Variants in RHOA observed in about 807,000 individuals in gnomAD.
RHOA encodes transforming protein RhoA.
In RHOA, 3 loss-of-function variants were observed where a neutral mutation model predicts 17.5. The observed-to-expected ratio is 0.17, with a 90% confidence interval of 0.08 to 0.44. The LOEUF is 0.44. Ranked by LOEUF, RHOA falls within the 20% of genes least tolerant of loss-of-function variation. RHOA has a pLI of 0.99. For missense variants in RHOA, 56 were observed against 242.3 expected (o/e 0.23, Z 5.10); for synonymous variants, 98 against 88.4 (o/e 1.11, Z -0.61).
At chr3:49,408,702 T>C (rs1308285380) in intron 1 of RHOA, among the ~76,000 whole-genome samples, 12 of 152,206 alleles carry the variant, frequency 7.9e-5, no homozygotes, top group Admixed American at 1.3e-4. Flanking sequence ...AAAATTTAGT[T>C]ATATTAATGT....
chr3:49,367,554 T>C (rs1051688784), intron 3 of RHOA, among the ~76,000 whole-genome samples: 4 of 151,906 alleles, frequency 2.6e-5, no homozygotes, highest in Non-Finnish European at 5.9e-5. Flanking sequence ...ATCTTTTTTT[T>C]TGGGAGATGG....
chr3:49,382,507 G>GC (rs768198468), intron 1 of RHOA, among the ~76,000 whole-genome samples: 3 of 151,838 alleles, frequency 2.0e-5, no homozygotes, highest in Non-Finnish European at 4.4e-5. Flanking sequence ...GTGGTGGTGC[G>GC]CATCTGTGGT....
chr3:49,390,457 G>A (rs935470787), intron 1 of RHOA, among the ~76,000 whole-genome samples: 1 of 151,928 alleles, frequency 6.6e-6, no homozygotes, highest in Non-Finnish European at 1.5e-5. Flanking sequence ...GTAGAGACGG[G>A]TTCACCATGT....
intron 1 of RHOA, among the ~76,000 whole-genome samples, chr3:49,402,057 G>C (rs2048731693): frequency 6.6e-6 from 1 of 152,186 alleles, no homozygotes; most frequent in South Asian, 2.1e-4. Flanking sequence ...TTACTGCCAA[G>C]TGAAAATCAC....
chr3:49,396,551 A>G (rs973566350), intron 1 of RHOA, among the ~76,000 whole-genome samples: 3 of 152,104 alleles, frequency 2.0e-5, no homozygotes, highest in African/African-American at 7.2e-5. Context: ...TACTAAAAAT[A>G]CAAAAATTAG....
At chr3:49,392,367 A>C (rs914388225) in intron 1 of RHOA, among the ~76,000 whole-genome samples, 5 of 152,126 alleles carry the variant, frequency 3.3e-5, no homozygotes, top group Admixed American at 2.0e-4. Context: ...AGCTTCAGCC[A>C]GTAGGTAAAG....
chr3:49,363,697 C>T (rs2048009143), intron 3 of RHOA, among the ~76,000 whole-genome samples: 1 of 151,302 alleles, frequency 6.6e-6, no homozygotes, highest in African/African-American at 2.4e-5. Flanking sequence ...ACTAAAATTA[C>T]TAAAATTAGC....
intron 3 of RHOA, among the ~76,000 whole-genome samples, chr3:49,363,377 GC>G (rs1209789979): frequency 6.6e-6 from 1 of 151,918 alleles, no homozygotes; most frequent in African/African-American, 2.4e-5. Context: ...CTGAGATCGC[GC>G]CACTGCACTC....
intron 1 of RHOA, among the ~76,000 whole-genome samples, chr3:49,394,308 G>T (rs1395438193): frequency 6.7e-6 from 1 of 150,164 alleles, no homozygotes; most frequent in African/African-American, 2.5e-5. Flanking sequence ...CCAGCTCCTT[G>T]TCTCAATTCT....
intron 1 of RHOA, among the ~76,000 whole-genome samples, chr3:49,404,321 G>A (rs1446726093): frequency 1.3e-5 from 2 of 149,832 alleles, no homozygotes; most frequent in African/African-American, 2.5e-5. Context: ...AAAGCCAGGC[G>A]CAGTGGCTCA....
At chr3:49,397,224 A>T (rs1350975559) in intron 1 of RHOA, among the ~76,000 whole-genome samples, 1 of 152,106 alleles carries the variant, frequency 6.6e-6, no homozygotes, top group Non-Finnish European at 1.5e-5. Flanking sequence ...CACAAAAGAC[A>T]ATATATGATT....
chr3:49,398,362 G>GT (rs2107893834), intron 1 of RHOA, among the ~76,000 whole-genome samples: 1 of 151,612 alleles, frequency 6.6e-6, no homozygotes, highest in Non-Finnish European at 1.5e-5. Flanking sequence ...AAAAAAAAAA[G>GT]TAAGATCTAA....
At position 49,380,674 on chromosome 3, in the gene RHOA, A is replaced by AAATAATAAT. The variant is rs199906304; in HGVS notation, c.-2-5092_-2-5084dup. The stretch of plus-strand genomic sequence containing the variant: ...TGGGTGACAGAGACTCTTGTCTCAA[A>AAATAATAAT]AATAATAATAATAATAATAATAATA... On this transcript the variant is annotated intron_variant, in intron 1 of 4. Transcript: ENST00000418115. Among the ~76,000 whole-genome samples the AAATAATAAT allele has an allele frequency of 4.7e-3, 642 of 137,528 alleles. 1 individual carries two copies. The highest frequency in any genetic ancestry group is 7.4e-3 in the Non-Finnish European group (481 of 64,804). The allele number at this position is 137,528 out of a possible 152,430, so 90.2% of individuals were successfully genotyped here.
At chr3:49,380,540 A>G (rs1185212724) in intron 1 of RHOA, among the ~76,000 whole-genome samples, 1 of 151,914 alleles carries the variant, frequency 6.6e-6, no homozygotes, top group African/African-American at 2.4e-5. Context: ...CCCCATCTCT[A>G]TTAAAAATAT....
Position 49,384,022 on chromosome 3 carries a change from T to C in RHOA, c.-2-8431A>G, listed in dbSNP as rs531294328. 2.6e-5 allele frequency among the ~76,000 whole-genome samples: 4 copies of C among 152,164 alleles called. No homozygotes were observed. The South Asian group carries it at 8.3e-4, about 32-fold the overall frequency. ...TACAGCCTGGGCGGCAGAGTGAGAC[T>C]GTGTCTCAGAAAAAAGAAAGAAAAG... is the stretch of plus-strand genomic sequence containing the variant. On this transcript the variant is annotated intron_variant, in intron 1 of 4. Coordinates refer to ENST00000418115, the MANE Select transcript of RHOA (RefSeq NM_001664.4).
chr3:49,407,246 T>TG (rs1460699413), intron 1 of RHOA, among the ~76,000 whole-genome samples: 7 of 143,112 alleles, frequency 4.9e-5, no homozygotes, highest in Non-Finnish European at 7.7e-5. Flanking sequence ...TTTTTTTTTT[T>TG]TTTTTTTTTT....
At chr3:49,393,470 C>T (rs977083027) in intron 1 of RHOA, among the ~76,000 whole-genome samples, 3 of 151,832 alleles carry the variant, frequency 2.0e-5, no homozygotes, top group African/African-American at 7.3e-5. Flanking sequence ...CCACGTTTGG[C>T]TAATTGCTGT....
At chr3:49,401,788 C>T (rs1371107228) in intron 1 of RHOA, among the ~76,000 whole-genome samples, 1 of 152,130 alleles carries the variant, frequency 6.6e-6, no homozygotes, top group Non-Finnish European at 1.5e-5. Flanking sequence ...CTGCATTATA[C>T]TTACTGGTTC....
chr3:49,399,958 C>A (rs556961922), intron 1 of RHOA, among the ~76,000 whole-genome samples: 5 of 151,926 alleles, frequency 3.3e-5, no homozygotes, highest in African/African-American at 1.2e-4. Context: ...CGGTGGCTCA[C>A]GCCTGTAATC....
Sources: gnomAD v4.1 joint callset for allele counts (sites outside exome capture counted in the v4.1 genomes callset) on GRCh38, gnomAD v4.1.1 for gene constraint, MANE v1.5 for transcripts, NCBI Gene and HGNC (gene_info 2026-07-23, HGNC 2026-07-21) for gene names.